Variants in PCDHGA9 observed in about 807,000 individuals in gnomAD.
The protein encoded by PCDHGA9 is protocadherin gamma subfamily A, 9.
A neutral mutation model predicts 62.5 loss-of-function variants in PCDHGA9; 37 were observed. The ratio of observed to expected loss-of-function variants is 0.59; its 90% CI spans 0.46 to 0.78. The LOEUF (loss-of-function observed/expected upper bound fraction) is 0.78, where lower values mean the gene tolerates loss of function less well. PCDHGA9 is among the 30% of genes least tolerant of loss of function. The probability of loss-of-function intolerance (pLI) is 0.00; values close to 1 mark genes in which losing one functional copy is unlikely to be tolerated. For missense variants in PCDHGA9, 1,138 were observed against 1,166.2 expected (o/e 0.98, Z 0.35); for synonymous variants, 459 against 484.6 (o/e 0.95, Z 0.69).
rs747585516 is a variant in PCDHGA9, at chr5:141,409,120, A to G, written c.2424+3744A>G. ...CAGGTATGATTAAGAATAACCAGTC[A>G]TTTGATTTTGAAGATGTAGAAAGGT... On this transcript the variant is annotated intron_variant, in intron 1 of 3. Transcript: ENST00000573521. 6 of 1,613,844 alleles carry G rather than the reference A, an allele frequency of 3.7e-6. No homozygotes were observed. The African/African-American group carries it at 8.0e-5, about 22-fold the overall frequency.
intron 1 of PCDHGA9, chr5:141,423,481 C>G: frequency 6.2e-7 from 1 of 1,613,908 alleles, no homozygotes; most frequent in South Asian, 1.1e-5. Context: ...GGCTTTCCTG[C>G]AAACCTATTC....
rs774140980 is a variant in PCDHGA9, at chr5:141,420,167, T to G, written c.2424+14791T>G. On this transcript the variant is annotated intron_variant, in intron 1 of 3. Transcript: ENST00000573521. ...GAATCCAGAATTTAATTTTTTCACA[T>G]CTGTTGATCATTGTCCAGCCACACA... 3 of 1,614,082 alleles carry G rather than the reference T, an allele frequency of 1.9e-6. No homozygotes were observed. The South Asian group carries it at 3.3e-5, about 18-fold the overall frequency.
chr5:141,418,345 T>C, intron 1 of PCDHGA9: 1 of 1,614,000 alleles, frequency 6.2e-7, no homozygotes, highest in Non-Finnish European at 8.5e-7. Context: ...ATCCTGATAT[T>C]AGTATGAATT....
At position 141,431,636 on chromosome 5, in the gene PCDHGA9, A is replaced by C; in HGVS notation, c.2424+26260A>C. 1 of 1,614,254 alleles carries C rather than the reference A, an allele frequency of 6.2e-7. No individual in the cohort carries two copies. On this transcript the variant is annotated intron_variant, in intron 1 of 3. Transcript: ENST00000573521. This position sits in a 1 kb window ranked among gnomAD's most constrained non-coding sequence, Gnocchi z 4.8. ...GGACGACAAGGCGGCCCAAGTTTTC[A>C]AACTAGATTGTAATTCAGGGACAAT... is the stretch of plus-strand genomic sequence containing the variant.
At chr5:141,501,540 A>G (rs151047391) in intron 2 of PCDHGA9, among the ~76,000 whole-genome samples, 2 of 152,138 alleles carry the variant, frequency 1.3e-5, no homozygotes, top group East Asian at 3.9e-4. Flanking sequence ...GTTGTTGTGC[A>G]TAAGATCATA....
At chr5:141,418,908 C>A in intron 1 of PCDHGA9, 1 of 1,613,932 alleles carries the variant, frequency 6.2e-7, no homozygotes, top group South Asian at 1.1e-5. Flanking sequence ...ATAATCATCA[C>A]GTCACTCTCT....
chr5:141,418,018 T>C, intron 1 of PCDHGA9: 1 of 1,613,868 alleles, frequency 6.2e-7, no homozygotes, highest in Non-Finnish European at 8.5e-7. Flanking sequence ...TCGCTAAGGA[T>C]CTAGGGCTTA....
intron 1 of PCDHGA9, among the ~76,000 whole-genome samples, chr5:141,429,812 A>G (rs2097246172): frequency 6.6e-6 from 1 of 152,226 alleles, no homozygotes; most frequent in South Asian, 2.1e-4. Context: ...AGTAATTACA[A>G]TTAGGTCAGT....
intron 1 of PCDHGA9, among the ~76,000 whole-genome samples, chr5:141,462,678 T>G (rs923728894): frequency 1.3e-5 from 2 of 152,210 alleles, no homozygotes; most frequent in South Asian, 4.1e-4. Flanking sequence ...TTCTTTAAAT[T>G]TTTGAGCACA....
intron 1 of PCDHGA9, chr5:141,417,840 A>G (rs2096168680): frequency 2.0e-6 from 3 of 1,536,422 alleles, no homozygotes; most frequent in African/African-American, 2.8e-5. Context: ...GCGGGGACCC[A>G]GCGAGAACCC....
Position 141,432,477 on chromosome 5 carries a change from C to G in PCDHGA9, c.2424+27101C>G. On this transcript the variant is annotated intron_variant, in intron 1 of 3. Coordinates refer to ENST00000573521, the MANE Select transcript of PCDHGA9 (RefSeq NM_018921.3). This position sits in a 1 kb window ranked among gnomAD's most constrained non-coding sequence, Gnocchi z 6.0. ...CCCGCCCTCCCCACGGACGGTTCCA[C>G]TGGCGTGGAGCTGGCTCCCCGCTCC... 3 of 1,614,212 alleles carry G rather than the reference C, an allele frequency of 1.9e-6. No homozygotes were observed. Among genetic ancestry groups the G allele is most frequent in the Non-Finnish European group, 1.7e-6 (2 of 1,180,044 alleles).
intron 1 of PCDHGA9, chr5:141,414,320 A>G: frequency 1.9e-6 from 3 of 1,613,840 alleles, no homozygotes; most frequent in Middle Eastern, 1.6e-4. Flanking sequence ...GACTCTGAGC[A>G]GAATGGACAG....
At position 141,404,863 on chromosome 5, in the gene PCDHGA9, G is replaced by A. The variant is rs370856862; in HGVS notation, c.1911G>A (p.Ala637=). 507 of 1,613,746 alleles carry A rather than the reference G, an allele frequency of 3.1e-4. 2 individuals are homozygous for A. The highest frequency in any genetic ancestry group is 3.8e-4 in the Non-Finnish European group (451 of 1,179,902). The change falls in exon 1 of 4, where the codon GCG becomes GCA. Residue 637 remains alanine, a synonymous_variant. Coordinates refer to ENST00000573521, the MANE Select transcript of PCDHGA9 (RefSeq NM_018921.3). ...CTCGGGCCCTGCTAGATAGAGATGC[G>A]CTCAAACAGAGCCTTGTGGTGGCTG... The part of the protein sequence containing the change: ...RTARALLDRD[A]LKQSLVVAVQ...
intron 1 of PCDHGA9, chr5:141,427,468 C>T: frequency 2.0e-6 from 1 of 509,312 alleles, no homozygotes; most frequent in Middle Eastern, 3.0e-4. Flanking sequence ...ATCGAATCTT[C>T]CGCCAATAAT....
intron 1 of PCDHGA9, chr5:141,427,831 G>A (rs2097077070): frequency 6.5e-7 from 1 of 1,539,366 alleles, no homozygotes; most frequent in East Asian, 2.2e-5. Context: ...GTCGCGCAGC[G>A]TGCCTTCGAC....
intron 3 of PCDHGA9, among the ~76,000 whole-genome samples, chr5:141,505,973 G>A (rs1207489923): frequency 6.6e-6 from 1 of 152,166 alleles, no homozygotes; most frequent in Non-Finnish European, 1.5e-5. Context: ...ATCCCCAGCC[G>A]AGAGAACACC....
intron 3 of PCDHGA9, among the ~76,000 whole-genome samples, chr5:141,507,571 G>A (rs2099861692): frequency 6.6e-6 from 1 of 152,254 alleles, no homozygotes; most frequent in Non-Finnish European, 1.5e-5. Flanking sequence ...TGGGTCTGAG[G>A]AGATGCCAAG....
At chr5:141,438,400 T>C (rs2154557880) in intron 1 of PCDHGA9, among the ~76,000 whole-genome samples, 1 of 151,918 alleles carries the variant, frequency 6.6e-6, no homozygotes, top group Non-Finnish European at 1.5e-5. Context: ...TCATTAACTC[T>C]CTGAAGTATT....
rs924491576 is a variant in PCDHGA9, at chr5:141,491,579, C to T, written c.2425-3228C>T. On this transcript the variant is annotated intron_variant, in intron 1 of 3. Coordinates refer to ENST00000573521, the MANE Select transcript of PCDHGA9 (RefSeq NM_018921.3). This position sits in a 1 kb window ranked among gnomAD's most constrained non-coding sequence, Gnocchi z 6.9. ...CACTGCTACAGGACGTGCTTTTCAC[C>T]GGCCTCGGACGGCAGTGACTTCACT... is the stretch of plus-strand genomic sequence containing the variant. 18 of 1,613,810 alleles carry T rather than the reference C, an allele frequency of 1.1e-5. No homozygotes were observed. Among genetic ancestry groups the T allele is most frequent in the Non-Finnish European group, 1.4e-5 (17 of 1,180,044 alleles).
Sources: allele counts gnomAD v4.1 joint callset (sites outside exome capture counted in the v4.1 genomes callset), GRCh38; gene constraint gnomAD v4.1.1; non-coding constraint Gnocchi (gnomAD v3.1); transcripts MANE v1.5; gene names NCBI Gene and HGNC (gene_info 2026-07-23, HGNC 2026-07-21).